The following SDK1 variants were observed in gnomAD, a reference collection of about 807,000 sequenced individuals.
SDK1 encodes the protein sidekick cell adhesion molecule 1.
In SDK1, 157 loss-of-function variants were observed where a neutral mutation model predicts 245.5. The observed-to-expected ratio is 0.64, with a 90% confidence interval of 0.56 to 0.73. The LOEUF (loss-of-function observed/expected upper bound fraction) is 0.73, where lower values mean the gene tolerates loss of function less well. SDK1 is among the 30% of genes least tolerant of loss of function. SDK1 has a pLI of 0.00. For synonymous variants in SDK1, 1,647 were observed against 1,278.5 expected, an observed-to-expected ratio of 1.29 and a Z score of -6.15; for missense variants, 3,583 against 3,002.3, an observed-to-expected ratio of 1.19 and a Z score of -4.52.
At chr7:3,750,388 T>C (rs193242595) in intron 4 of SDK1, among the ~76,000 whole-genome samples, 10 of 152,374 alleles carry the variant, frequency 6.6e-5, no homozygotes, top group Admixed American at 6.5e-4. Context: ...ATAATTTATA[T>C]GCACTGCCTT....
intron 1 of SDK1, among the ~76,000 whole-genome samples, chr7:3,324,219 T>G (rs1299678363): frequency 3.9e-5 from 6 of 152,194 alleles, no homozygotes; most frequent in African/African-American, 9.6e-5. Flanking sequence ...TTGTTTTGAT[T>G]GTAAGAATGT....
chr7:4,135,295 C>G (rs1429665338), intron 28 of SDK1, among the ~76,000 whole-genome samples: 8 of 152,152 alleles, frequency 5.3e-5, no homozygotes, highest in Non-Finnish European at 1.2e-4. Flanking sequence ...ACCCCTACAC[C>G]CTTGCCAGGA....
intron 4 of SDK1, among the ~76,000 whole-genome samples, chr7:3,724,387 A>G (rs1778947050): frequency 1.3e-5 from 2 of 152,050 alleles, no homozygotes; most frequent in African/African-American, 4.8e-5. Flanking sequence ...AGCCTGGGCA[A>G]CATAGTGAGA....
At chr7:3,357,563 G>C (rs983182652) in intron 1 of SDK1, among the ~76,000 whole-genome samples, 2 of 151,074 alleles carry the variant, frequency 1.3e-5, no homozygotes, top group Non-Finnish European at 2.9e-5. Flanking sequence ...GCCCAGGCTA[G>C]CCTTGAACAC....
At chr7:3,566,518 C>A (rs1227423427) in intron 1 of SDK1, among the ~76,000 whole-genome samples, 6 of 152,002 alleles carry the variant, frequency 3.9e-5, no homozygotes, top group Non-Finnish European at 8.8e-5. Context: ...AGCCACCACG[C>A]CCGGCCGATA....
chr7:3,777,201 T>C (rs2115007049), intron 4 of SDK1, among the ~76,000 whole-genome samples: 1 of 152,360 alleles, frequency 6.6e-6, no homozygotes, highest in South Asian at 2.1e-4. Flanking sequence ...GTAAAATGTA[T>C]GCTCTAACTG....
chr7:3,680,481 G>A (rs949157050), intron 4 of SDK1, among the ~76,000 whole-genome samples: 6 of 152,168 alleles, frequency 3.9e-5, no homozygotes, highest in Admixed American at 2.6e-4. Context: ...ATGGAAAAAT[G>A]ATGAAATCTA....
chr7:4,182,581 G>A (rs1412602687), intron 35 of SDK1, among the ~76,000 whole-genome samples: 1 of 152,220 alleles, frequency 6.6e-6, no homozygotes, highest in African/African-American at 2.4e-5. Context: ...TCATAGCAGG[G>A]CTGCAGGGAA....
intron 1 of SDK1, among the ~76,000 whole-genome samples, chr7:3,615,735 A>G (rs564804706): frequency 4.6e-5 from 7 of 151,600 alleles, no homozygotes; most frequent in South Asian, 2.1e-4. Flanking sequence ...CCACCTAACT[A>G]TTGCTTTAAA....
chr7:3,996,758 C>T (rs17134129), intron 14 of SDK1, among the ~76,000 whole-genome samples: 6,260 of 152,272 alleles, frequency 0.041, 422 homozygotes, highest in African/African-American at 0.14. Context: ...TCTTTGCTTT[C>T]AAGGTAGACG....
intron 1 of SDK1, among the ~76,000 whole-genome samples, chr7:3,443,311 G>T (rs1449523106): frequency 2.0e-5 from 3 of 152,070 alleles, no homozygotes; most frequent in Non-Finnish European, 4.4e-5. Context: ...TTTTAGAATA[G>T]GAATAAGGTA....
chr7:4,242,519 A>G (rs1432295238), intron 43 of SDK1, among the ~76,000 whole-genome samples: 6 of 152,070 alleles, frequency 3.9e-5, no homozygotes, highest in African/African-American at 1.4e-4. Context: ...GCAGAGCGCC[A>G]TCCTCTGATT....
intron 1 of SDK1, among the ~76,000 whole-genome samples, chr7:3,409,539 T>C (rs1039491969): frequency 6.6e-6 from 1 of 152,142 alleles, no homozygotes; most frequent in Non-Finnish European, 1.5e-5. Context: ...AATGTACATT[T>C]AGTGAAGTTT....
At chr7:3,778,851 C>A (rs1345018615) in intron 4 of SDK1, among the ~76,000 whole-genome samples, 1 of 152,210 alleles carries the variant, frequency 6.6e-6, no homozygotes, top group African/African-American at 2.4e-5. Flanking sequence ...TATAGACCGC[C>A]TTTCCAGTAA....
chr7:4,117,295 C>T (rs111307528), intron 25 of SDK1, among the ~76,000 whole-genome samples: 31,177 of 151,932 alleles, frequency 0.21, 3,487 homozygotes, highest in Middle Eastern at 0.27. Context: ...TAGTGAGACC[C>T]CATCTCTACA....
intron 1 of SDK1, among the ~76,000 whole-genome samples, chr7:3,504,486 T>C (rs1782326465): frequency 6.6e-6 from 1 of 152,216 alleles, no homozygotes; most frequent in African/African-American, 2.4e-5. Flanking sequence ...TGGAATAGAA[T>C]TGAGAATCTA....
chr7:3,596,538 C>CT (rs1216016313), intron 1 of SDK1, among the ~76,000 whole-genome samples: 1 of 152,174 alleles, frequency 6.6e-6, no homozygotes, highest in Non-Finnish European at 1.5e-5. Flanking sequence ...AACGCATGGA[C>CT]TTTGTGACCA....
chr7:3,441,085 T>C (rs1188634626), intron 1 of SDK1, among the ~76,000 whole-genome samples: 1 of 152,194 alleles, frequency 6.6e-6, no homozygotes, highest in Non-Finnish European at 1.5e-5. Flanking sequence ...CATTGTACCA[T>C]GTCACATCAT....
intron 28 of SDK1, chr7:4,134,900 G>A (rs377433036): frequency 1.0e-4 from 16 of 152,444 alleles, no homozygotes; most frequent in African/African-American, 3.8e-4. Context: ...CCTTGCACAC[G>A]TGGGGAGGCT....
Sources: allele counts gnomAD v4.1 joint callset (sites outside exome capture counted in the v4.1 genomes callset), GRCh38; gene constraint gnomAD v4.1.1; transcripts MANE v1.5; gene names NCBI Gene and HGNC (gene_info 2026-07-23, HGNC 2026-07-21).